The following GFOD1 variants were observed in gnomAD, a reference collection of about 807,000 sequenced individuals.
GFOD1 encodes Gfo/Idh/MocA-like oxidoreductase domain containing 1, also known as glucose-fructose oxidoreductase domain-containing protein 1.
Under a neutral mutation model 25.4 loss-of-function variants are expected in GFOD1, and 9 were observed. The ratio of observed to expected loss-of-function variants is 0.35; its 90% CI spans 0.21 to 0.62. GFOD1 has a LOEUF of 0.62. Ranked by LOEUF, GFOD1 falls within the 20% of genes least tolerant of loss-of-function variation. The probability of loss-of-function intolerance (pLI) is 0.72; values close to 1 mark genes in which losing one functional copy is unlikely to be tolerated. For missense variants in GFOD1, 403 were observed against 556.9 expected (o/e 0.72, Z 2.78); for synonymous variants, 253 against 245.6 (o/e 1.03, Z -0.28).
intron 1 of GFOD1, among the ~76,000 whole-genome samples, chr6:13,479,618 C>T (rs147517959): frequency 1.4e-3 from 212 of 152,320 alleles, no homozygotes; most frequent in African/African-American, 4.9e-3. Flanking sequence ...TTTAAGGTAT[C>T]AAAATGTCCA....
At chr6:13,398,681 G>A (rs1369372549) in intron 1 of GFOD1, among the ~76,000 whole-genome samples, 1 of 152,140 alleles carries the variant, frequency 6.6e-6, no homozygotes, top group African/African-American at 2.4e-5. Flanking sequence ...CTGCCTGCAG[G>A]CAGAAAGAGG....
intron 1 of GFOD1, among the ~76,000 whole-genome samples, chr6:13,447,291 T>C (rs1420315789): frequency 6.6e-6 from 1 of 152,224 alleles, no homozygotes; most frequent in Non-Finnish European, 1.5e-5. Context: ...ATTCCTTGGC[T>C]GGTAGATGCA....
rs780612900 is a variant in GFOD1 at position 13,486,756 on chromosome 6, C to G, written c.135G>C (p.Glu45Asp). ...TQEEAEELAK[E>D]MSVPFYTSRI... ...GGCTAGTGTAGAAGGGGACACTCAT[C>G]TCCTTGGCCAGCTCCTCCGCTTCTT... Residue 45 changes from glutamate (E) to aspartate (D), a missense_variant, in exon 1 of 2, where the codon GAG becomes GAC. Physicochemically the swap from Glu to Asp is conservative, Grantham distance 45. Coordinates refer to ENST00000379287, the MANE Select transcript of GFOD1 (RefSeq NM_018988.4). 2 of 1,614,188 alleles carry G rather than the reference C, an allele frequency of 1.2e-6. No homozygotes were observed. The highest frequency in any genetic ancestry group is 1.7e-6 in the Non-Finnish European group (2 of 1,180,032).
At chr6:13,370,202 G>A (rs1350583593) in intron 1 of GFOD1, among the ~76,000 whole-genome samples, 5 of 152,124 alleles carry the variant, frequency 3.3e-5, no homozygotes, top group South Asian at 2.1e-4. Context: ...TCAGAAGCCC[G>A]GGCTCTGTTG....
chr6:13,441,324 G>A (rs1992385), intron 1 of GFOD1, among the ~76,000 whole-genome samples: 38,120 of 152,082 alleles, frequency 0.25, 5,549 homozygotes, highest in Non-Finnish European at 0.32. Flanking sequence ...GGGGTTTGGG[G>A]TGAAAAACTC....
chr6:13,429,190 G>A (rs368252187), intron 1 of GFOD1, among the ~76,000 whole-genome samples: 1 of 152,314 alleles, frequency 6.6e-6, no homozygotes, highest in East Asian at 1.9e-4. Context: ...CTCATTTTGG[G>A]CTGAGAAGCC....
chr6:13,409,001 C>G (rs1785997561), intron 1 of GFOD1, among the ~76,000 whole-genome samples: 1 of 151,338 alleles, frequency 6.6e-6, no homozygotes, highest in African/African-American at 2.4e-5. Context: ...AGGACAATTG[C>G]TTGAACCAGG....
rs571287840 is a variant in GFOD1 at position 13,424,956 on chromosome 6, C to CTT, written c.254-59296_254-59295dup. On this transcript the variant is annotated intron_variant, in intron 1 of 1. Transcript: ENST00000379287. The stretch of plus-strand genomic sequence containing the variant: ...TTTATATATATTAACACATTTAATT[C>CTT]TTTTTTTTTTTTTTTTTTTTGAGAT... 1.9e-3 allele frequency among the ~76,000 whole-genome samples: 241 copies of CTT among 123,846 alleles called. 5 individuals are homozygous for CTT. Among genetic ancestry groups the CTT allele is most frequent in the African/African-American group, 5.9e-3 (185 of 31,528 alleles). 81.2% of individuals were successfully genotyped at this position (123,846 alleles called of 152,430 possible).
intron 1 of GFOD1, among the ~76,000 whole-genome samples, chr6:13,455,134 G>A (rs1238013883): frequency 4.6e-5 from 7 of 151,888 alleles, no homozygotes; most frequent in Admixed American, 1.3e-4. Flanking sequence ...ACCCACACAC[G>A]CACACACACT....
intron 1 of GFOD1, among the ~76,000 whole-genome samples, chr6:13,407,000 T>C (rs904786031): frequency 2.6e-5 from 4 of 152,200 alleles, no homozygotes; most frequent in African/African-American, 7.2e-5. Context: ...AGTGTGGCCA[T>C]GTGACTAAGT....
intron 1 of GFOD1, among the ~76,000 whole-genome samples, chr6:13,473,423 G>T (rs955900199): frequency 6.6e-6 from 1 of 152,288 alleles, no homozygotes; most frequent in East Asian, 1.9e-4. Context: ...GCCCTCTAAG[G>T]CGGCCATTTG....
chr6:13,409,151 G>GAAAGAAAGAAAGAAAGGAAGGA (rs751020501), intron 1 of GFOD1, among the ~76,000 whole-genome samples: 1 of 64,548 alleles, frequency 1.5e-5, no homozygotes, highest in African/African-American at 7.5e-5. Context: ...GAAAGAAAGA[G>GAAAGAAAGAAAGAAAGGAAGGA]AGGAAAGAAA....
At chr6:13,378,495 G>A (rs1462370522) in intron 1 of GFOD1, among the ~76,000 whole-genome samples, 8 of 152,210 alleles carry the variant, frequency 5.3e-5, no homozygotes, top group Admixed American at 3.9e-4. Flanking sequence ...CTTTGAAGAC[G>A]AATAGCTGGT....
chr6:13,394,780 G>A (rs1015274791), intron 1 of GFOD1, among the ~76,000 whole-genome samples: 1 of 151,956 alleles, frequency 6.6e-6, no homozygotes, highest in South Asian at 2.1e-4. Context: ...TTACAGGCAC[G>A]TGCCACCATG....
At chr6:13,422,875 G>A (rs571443133) in intron 1 of GFOD1, among the ~76,000 whole-genome samples, 1 of 152,176 alleles carries the variant, frequency 6.6e-6, no homozygotes, top group African/African-American at 2.4e-5. Context: ...CTGGAAATTC[G>A]GTGTGGCGAG....
chr6:13,453,150 G>A (rs983771393), intron 1 of GFOD1, among the ~76,000 whole-genome samples: 2 of 152,198 alleles, frequency 1.3e-5, no homozygotes, highest in Non-Finnish European at 2.9e-5. Context: ...ATTTCGTTTT[G>A]TTTTTCAAAT....
At chr6:13,387,978 CAGAG>C (rs962600842) in intron 1 of GFOD1, among the ~76,000 whole-genome samples, 11 of 152,150 alleles carry the variant, frequency 7.2e-5, no homozygotes, top group Non-Finnish European at 1.5e-4. Flanking sequence ...CAATAACAGA[CAGAG>C]AGCTAAATCA....
chr6:13,378,944 A>G (rs553098991), intron 1 of GFOD1, among the ~76,000 whole-genome samples: 1 of 117,108 alleles, frequency 8.5e-6, no homozygotes, highest in South Asian at 3.3e-4. Context: ...GCTTATGAGA[A>G]CCCCATCTGC....
chr6:13,385,131 G>A (rs1332883372), intron 1 of GFOD1, among the ~76,000 whole-genome samples: 1 of 152,138 alleles, frequency 6.6e-6, no homozygotes, highest in Non-Finnish European at 1.5e-5. Flanking sequence ...AACCGGGAGA[G>A]TGCAGATAAC....
Sources: allele counts gnomAD v4.1 joint callset (sites outside exome capture counted in the v4.1 genomes callset), GRCh38; gene constraint gnomAD v4.1.1; transcripts MANE v1.5; gene names NCBI Gene and HGNC (gene_info 2026-07-23, HGNC 2026-07-21).